Variants in NFATC3 observed in about 807,000 individuals in gnomAD.
NFATC3 encodes the protein nuclear factor of activated T cells 3, also known as nuclear factor of activated T-cells, cytoplasmic 3.
A neutral mutation model predicts 98.6 loss-of-function variants in NFATC3; 46 were observed. The ratio of observed to expected loss-of-function variants is 0.47; its 90% confidence interval spans 0.37 to 0.60. The LOEUF (loss-of-function observed/expected upper bound fraction) is 0.60, where lower values mean the gene tolerates loss of function less well. Among genes scored for constraint, NFATC3 ranks in the 20% least tolerant of loss-of-function variants. NFATC3 has a pLI of 0.00. For missense variants in NFATC3, 1,256 were observed against 1,295.5 expected, an observed-to-expected ratio of 0.97 and a Z score of 0.47; for synonymous variants, 512 against 472.2, an observed-to-expected ratio of 1.08 and a Z score of -1.09.
rs530043671 is a variant in NFATC3, at chr16:68,158,285, T to A, written c.1601+217T>A. ...ATACTATATATTACCAGCCAAGCCA[T>A]TATCCTAGGTGATAGGGATATAAAT... On this transcript the variant is annotated intron_variant, in intron 4 of 9. Coordinates refer to ENST00000346183, the MANE Select transcript of NFATC3 (RefSeq NM_173165.3). 1.8e-4 allele frequency among the ~76,000 whole-genome samples: 27 copies of A among 152,306 alleles called. No homozygotes were observed. In the South Asian group the frequency reaches 4.8e-3, roughly 27 times the overall value.
At chr16:68,196,758 G>T (rs1467681282) in intron 9 of NFATC3, among the ~76,000 whole-genome samples, 2 of 152,034 alleles carry the variant, frequency 1.3e-5, no homozygotes, top group East Asian at 1.9e-4. Context: ...ATGGCTGGGC[G>T]CAGTGGCTCA....
intron 3 of NFATC3, 87 bp from the exon 4 acceptor site, chr16:68,157,782 G>T: frequency 9.9e-7 from 1 of 1,010,922 alleles, no homozygotes; most frequent in Non-Finnish European, 1.4e-6. Flanking sequence ...GTATATGATA[G>T]AGATATAATA....
At chr16:68,218,999 G>A (rs1330417515) in intron 9 of NFATC3, among the ~76,000 whole-genome samples, 1 of 152,020 alleles carries the variant, frequency 6.6e-6, no homozygotes, top group Non-Finnish European at 1.5e-5. Flanking sequence ...AGCGCTTTAG[G>A]AGGCCGAGGC....
intron 9 of NFATC3, 74 bp from the exon 10 acceptor site, chr16:68,226,276 A>C: frequency 3.3e-5 from 49 of 1,476,406 alleles, no homozygotes; most frequent in Non-Finnish European, 4.0e-5. Flanking sequence ...TGTCTGAGGT[A>C]GAGCTCAGCG....
At chr16:68,188,988 G>A in intron 8 of NFATC3, among the ~76,000 whole-genome samples, 1 of 152,138 alleles carries the variant, frequency 6.6e-6, no homozygotes, top group African/African-American at 2.4e-5. Context: ...GATTACAGGT[G>A]TGAGCCACTG....
chr16:68,109,631 A>G (rs2035842129), intron 1 of NFATC3, among the ~76,000 whole-genome samples: 1 of 152,188 alleles, frequency 6.6e-6, no homozygotes, highest in Non-Finnish European at 1.5e-5. Flanking sequence ...GTTGTTTGGA[A>G]TAGTTTCGGA....
intron 1 of NFATC3, among the ~76,000 whole-genome samples, chr16:68,087,333 TA>T (rs1437359409): frequency 6.6e-6 from 1 of 152,174 alleles, no homozygotes; most frequent in Non-Finnish European, 1.5e-5. Context: ...GAATTGTATA[TA>T]CAACCAAAAT....
At position 68,190,952 on chromosome 16, in the gene NFATC3, A is replaced by G; in HGVS notation, c.2283A>G (p.Ser761=). The change falls in exon 9 of 10, where the codon TCA becomes TCG. Residue 761 remains serine (S), a synonymous_variant. Transcript: ENST00000346183. ...IPQTYASMVT[S]SHLPQLQCRD... is the part of the protein sequence containing the mutation. ...AAACATATGCATCCATGGTGACCTC[A>G]TCCCATCTGCCACAGTTGCAGTGTA... 1 of 1,614,174 alleles carries G rather than the reference A, an allele frequency of 6.2e-7. No homozygotes were observed. Among genetic ancestry groups the G allele is most frequent in the Non-Finnish European group, 8.5e-7 (1 of 1,180,020 alleles).
At chr16:68,087,395 A>AC (rs1310208764) in intron 1 of NFATC3, among the ~76,000 whole-genome samples, 1 of 152,224 alleles carries the variant, frequency 6.6e-6, no homozygotes, top group East Asian at 1.9e-4. Flanking sequence ...TCTTTACCAT[A>AC]CGCAAAAGCC....
chr16:68,141,521 G>A (rs7195601), intron 3 of NFATC3, among the ~76,000 whole-genome samples: 7,091 of 152,168 alleles, frequency 0.047, 527 homozygotes, highest in African/African-American at 0.16. Flanking sequence ...GGAGGAAGGC[G>A]GTATCTCATT....
At chr16:68,214,433 G>A (rs1453754369) in intron 9 of NFATC3, 18 of 1,612,964 alleles carry the variant, frequency 1.1e-5, no homozygotes, top group Admixed American at 1.7e-5. Context: ...AATCTAGAGG[G>A]TGAGTGTTGA....
In NFATC3 at chr16:68,122,313, C is replaced by T. The variant is rs752166235; in HGVS notation, c.430C>T (p.Pro144Ser). Reference protein sequence around the residue: ...NDPEREFLERPSRDHLYLPLE... With the variant: ...NDPEREFLERSSRDHLYLPLE... The stretch of plus-strand genomic sequence containing the variant: ...CCCAGAACGGGAATTTTTGGAAAGG[C>T]CTTCTAGAGATCATCTCTATCTTCC... Residue 144 changes from proline to serine, a missense_variant, in exon 2 of 10, where the codon CCT (proline) becomes TCT (serine). Pro to Ser is a moderately conservative substitution (Grantham distance 74). Coordinates refer to ENST00000346183, the MANE Select transcript of NFATC3 (RefSeq NM_173165.3). 2.5e-6 allele frequency: 4 copies of T among 1,614,090 alleles called. No homozygotes were observed. The highest frequency in any genetic ancestry group is 2.5e-6 in the Non-Finnish European group (3 of 1,180,014).
intron 1 of NFATC3, chr16:68,089,235 G>A (rs1295929309): frequency 1.0e-6 from 1 of 985,370 alleles, no homozygotes; most frequent in Non-Finnish European, 1.2e-6. Flanking sequence ...CAAGCCAAGG[G>A]CTGAATTTAG....
At chr16:68,214,370 G>A in intron 9 of NFATC3, 1 of 1,614,184 alleles carries the variant, frequency 6.2e-7, no homozygotes, top group Non-Finnish European at 8.5e-7. Context: ...ATCAGGTTCA[G>A]CAGAGAAATG....
chr16:68,112,254 G>C (rs1010837058), intron 1 of NFATC3, among the ~76,000 whole-genome samples: 1 of 138,650 alleles, frequency 7.2e-6, no homozygotes, highest in Non-Finnish European at 1.6e-5. Flanking sequence ...AGGTACCCCA[G>C]TTGTAGGTTC....
At chr16:68,142,144 A>C (rs973486504) in intron 3 of NFATC3, among the ~76,000 whole-genome samples, 1 of 151,368 alleles carries the variant, frequency 6.6e-6, no homozygotes. Flanking sequence ...TAGGTTGTCT[A>C]CTCTGTTCTA....
chr16:68,223,793 G>T (rs2041947601), intron 9 of NFATC3, among the ~76,000 whole-genome samples: 1 of 150,378 alleles, frequency 6.6e-6, no homozygotes. Context: ...TACTTGGGAG[G>T]CTGAGGCAGG....
At chr16:68,205,597 A>G (rs2041115012) in intron 9 of NFATC3, among the ~76,000 whole-genome samples, 1 of 152,196 alleles carries the variant, frequency 6.6e-6, no homozygotes, top group South Asian at 2.1e-4. Context: ...AACATTATAC[A>G]TAGTTAAAAA....
intron 3 of NFATC3, among the ~76,000 whole-genome samples, chr16:68,129,346 A>G (rs1266761011): frequency 6.6e-6 from 1 of 152,142 alleles, no homozygotes; most frequent in East Asian, 1.9e-4. Context: ...TTCTTCTTGT[A>G]AATGACTTTT....
Sources: allele counts gnomAD v4.1 joint callset (sites outside exome capture counted in the v4.1 genomes callset), GRCh38; gene constraint gnomAD v4.1.1; transcripts MANE v1.5; gene names NCBI Gene and HGNC (gene_info 2026-07-23, HGNC 2026-07-21).